LCA5: variants seen among roughly 807,000 people sequenced by gnomAD.
LCA5 encodes the protein lebercilin.
A neutral mutation model predicts 53.0 loss-of-function variants in LCA5; 37 were observed. The observed-to-expected ratio is 0.70, with a 90% CI of 0.54 to 0.92. The LOEUF is 0.92. Among genes scored for constraint, LCA5 ranks in the 40% least tolerant of loss-of-function variants. The pLI, the probability that LCA5 is intolerant of heterozygous loss-of-function variation, is 0.00. For synonymous variants in LCA5, 303 were observed against 282.9 expected, an observed-to-expected ratio of 1.07 and a Z score of -0.71; for missense variants, 806 against 790.5, an observed-to-expected ratio of 1.02 and a Z score of -0.23.
At chr6:79,500,681 T>C (rs1770114152) in intron 3 of LCA5, among the ~76,000 whole-genome samples, 3 of 152,196 alleles carry the variant, frequency 2.0e-5, no homozygotes, top group South Asian at 2.1e-4. Context: ...GGTTTCATTA[T>C]TGGACAATTC....
Position 79,488,113 on chromosome 6 carries a change from A to G in LCA5, c.1232-247T>C, listed in dbSNP as rs937037337. On this transcript the variant is annotated intron_variant, in intron 7 of 7. Transcript: ENST00000369846. ...TCTTTGAGATACTGGTGGGGAAGAA[A>G]GGTTCTTTGCCTATTTTTTATAACT... 3.1e-5 allele frequency: 14 copies of G among 457,096 alleles called. No individual in the cohort carries two copies. The East Asian group carries it at 5.7e-4, about 19-fold the overall frequency. 28.3% of individuals were successfully genotyped at this position (457,096 alleles called of 1,614,324 possible).
At chr6:79,495,007 G>A (rs1380244041) in intron 3 of LCA5, among the ~76,000 whole-genome samples, 1 of 152,230 alleles carries the variant, frequency 6.6e-6, no homozygotes, top group Non-Finnish European at 1.5e-5. Flanking sequence ...CTGGGCTGCA[G>A]ACTGCTATTG....
At position 79,491,531 on chromosome 6, in the gene LCA5, T is replaced by G. The variant is rs966825045; in HGVS notation, c.1098+57A>C. The G allele has an allele frequency of 8.3e-6, 13 of 1,569,302 alleles. No individual in the cohort carries two copies. The African/African-American group carries it at 1.5e-4, about 18-fold the overall frequency. ...TGAAATTTTAAAATGTCTGATATTG[T>G]GTTTTTAGGAATAACTTCAGACCGA... On this transcript the variant is annotated intron_variant, in intron 6 of 7. Coordinates refer to ENST00000369846, the MANE Select transcript of LCA5 (RefSeq NM_001122769.3).
chr6:79,527,117 C>T (rs1766814897), intron 1 of LCA5, among the ~76,000 whole-genome samples: 1 of 152,064 alleles, frequency 6.6e-6, no homozygotes, highest in South Asian at 2.1e-4. Context: ...CTGGGAAGGA[C>T]CCTCAAGTGC....
intron 1 of LCA5, among the ~76,000 whole-genome samples, chr6:79,536,548 GAGTATGCCAAAA>G (rs1319085766): frequency 6.6e-6 from 1 of 152,146 alleles, no homozygotes; most frequent in Non-Finnish European, 1.5e-5. Context: ...ACTCCAACTC[GAGTATGCCAAAA>G]AGGCACTTTC....
rs1769619167 is a variant in LCA5 at position 79,485,360 on chromosome 6, T to C, written c.*1644A>G. ...AGCTAGGAACAAAATTAACATTACA[T>C]AATATTTTACCAATAACTGCATTAC... On this transcript the variant is annotated 3_prime_UTR_variant, in exon 8 of 8. Coordinates refer to ENST00000369846, the MANE Select transcript of LCA5 (RefSeq NM_001122769.3). 2.0e-5 allele frequency: 3 copies of C among 152,602 alleles called. No individual in the cohort carries two copies. The allele number at this position is 152,602 out of a possible 1,614,324, so 9.5% of individuals were successfully genotyped here.
chr6:79,492,433 C>A, intron 5 of LCA5, 118 bp downstream of exon 5: 1 of 488,566 alleles, frequency 2.0e-6, no homozygotes. Context: ...GCAACAAATA[C>A]ATTTATTTTA....
At chr6:79,520,536 C>CT (rs896166524) in intron 1 of LCA5, among the ~76,000 whole-genome samples, 10 of 152,154 alleles carry the variant, frequency 6.6e-5, no homozygotes. Context: ...AATTGGATTA[C>CT]TTTTATAATC....
intron 6 of LCA5, among the ~76,000 whole-genome samples, chr6:79,491,170 T>C (rs562470483): frequency 6.6e-6 from 1 of 152,156 alleles, no homozygotes; most frequent in Non-Finnish European, 1.5e-5. Context: ...AAGAGAAACT[T>C]AGAAGGCAAA....
At chr6:79,524,826 C>T (rs184076520) in intron 1 of LCA5, among the ~76,000 whole-genome samples, 1 of 152,096 alleles carries the variant, frequency 6.6e-6, no homozygotes, top group African/African-American at 2.4e-5. Context: ...CTTTCTCCCC[C>T]TCTTCCTTTC....
At chr6:79,503,801 C>T (rs72899955) in intron 3 of LCA5, among the ~76,000 whole-genome samples, 27,341 of 151,998 alleles carry the variant, frequency 0.18, 2,502 homozygotes, top group East Asian at 0.22. Flanking sequence ...TGTGTGTGCG[C>T]GCGTGCGCGT....
intron 1 of LCA5, among the ~76,000 whole-genome samples, chr6:79,521,363 G>T (rs894597733): frequency 3.3e-5 from 5 of 152,054 alleles, no homozygotes; most frequent in Admixed American, 1.3e-4. Context: ...TAACCAGTTC[G>T]AATGACTTTA....
intron 3 of LCA5, among the ~76,000 whole-genome samples, chr6:79,498,711 AT>A (rs1184922532): frequency 3.9e-5 from 6 of 151,944 alleles, no homozygotes; most frequent in Admixed American, 1.3e-4. Flanking sequence ...ATTAAGAAGA[AT>A]TTTTTTTAAA....
intron 7 of LCA5, chr6:79,488,101 G>C (rs978571566): frequency 6.3e-6 from 3 of 477,972 alleles, no homozygotes; most frequent in East Asian, 3.8e-5. Context: ...TTGAGATACT[G>C]GTGGGGAAGA....
chr6:79,520,237 C>G (rs1171310396), intron 1 of LCA5, among the ~76,000 whole-genome samples: 1 of 151,390 alleles, frequency 6.6e-6, no homozygotes, highest in Non-Finnish European at 1.5e-5. Context: ...ATCCATACAG[C>G]AAAATATCAT....
Position 79,487,036 on chromosome 6 carries a change from C to A in LCA5, c.2062G>T (p.Glu688Ter). Residue 688 changes from glutamate (E) to a stop codon, truncating the protein, a stop_gained, in exon 8 of 8, where the codon GAA becomes TAA. Transcript: ENST00000369846. LOFTEE classifies it high-confidence loss of function. The part of the protein sequence containing the change: ...KPAVKAADSV[E>*]DEIEEVALR Reference sequence around the variant, plus strand: ...AGTGCTACTTCTTCAATTTCATCTTCTACAGAATCAGCTGCTTTTACTGCT... The same window carrying A: ...AGTGCTACTTCTTCAATTTCATCTTATACAGAATCAGCTGCTTTTACTGCT... 6.2e-7 allele frequency: 1 copy of A among 1,613,626 alleles called. No homozygotes were observed. The highest frequency in any genetic ancestry group is 2.2e-5 in the East Asian group (1 of 44,866).
At chr6:79,531,620 C>T (rs999958422) in intron 1 of LCA5, among the ~76,000 whole-genome samples, 2 of 152,162 alleles carry the variant, frequency 1.3e-5, no homozygotes, top group Non-Finnish European at 2.9e-5. Flanking sequence ...AATCCATCAG[C>T]CAAGTTTCTT....
intron 1 of LCA5, among the ~76,000 whole-genome samples, chr6:79,523,374 T>C (rs183703529): frequency 3.0e-4 from 46 of 152,354 alleles, no homozygotes; most frequent in Admixed American, 9.8e-4. Context: ...TAAGTGGCTC[T>C]AGCACTCATT....
intron 3 of LCA5, among the ~76,000 whole-genome samples, chr6:79,499,848 C>T (rs140039672): frequency 6.7e-6 from 1 of 149,914 alleles, no homozygotes; most frequent in African/African-American, 2.5e-5. Flanking sequence ...CTCCCCCACT[C>T]CCCCCACCCC....
Sources: allele counts gnomAD v4.1 joint callset (sites outside exome capture counted in the v4.1 genomes callset), GRCh38; gene constraint gnomAD v4.1.1; transcripts MANE v1.5; gene names NCBI Gene and HGNC (gene_info 2026-07-23, HGNC 2026-07-21).